Variants in SCTR observed in about 807,000 individuals in gnomAD.
The protein encoded by SCTR is pancreatic secretin receptor.
In SCTR, 56 loss-of-function variants were observed where a neutral mutation model predicts 60.8. That is an observed-to-expected ratio of 0.92 (90% CI 0.74 to 1.15). SCTR has a LOEUF of 1.15. SCTR is among the 50% of genes most tolerant of loss of function. The pLI is 0.00. For missense variants in SCTR, 562 were observed against 550.4 expected (o/e 1.02, Z -0.21); for synonymous variants, 202 against 217.0 (o/e 0.93, Z 0.61).
chr2:119,493,304 C>A (rs1021459025), intron 2 of SCTR, among the ~76,000 whole-genome samples: 1 of 152,106 alleles, frequency 6.6e-6, no homozygotes, highest in South Asian at 2.1e-4. Context: ...TTTATCCATT[C>A]GTCAGTTGAT....
intron 3 of SCTR, among the ~76,000 whole-genome samples, chr2:119,478,468 C>A (rs1036544413): frequency 2.0e-5 from 3 of 152,124 alleles, no homozygotes; most frequent in African/African-American, 7.2e-5. Context: ...GGGTTCCAGA[C>A]ATGGGGACTG....
At chr2:119,503,122 G>A (rs1364097681) in intron 1 of SCTR, among the ~76,000 whole-genome samples, 2 of 134,300 alleles carry the variant, frequency 1.5e-5, no homozygotes, top group Non-Finnish European at 3.0e-5. Context: ...TAGCGCCAGT[G>A]CACTCCAGCC....
At chr2:119,467,946 A>G (rs1683906135) in intron 4 of SCTR, among the ~76,000 whole-genome samples, 2 of 152,232 alleles carry the variant, frequency 1.3e-5, no homozygotes, top group East Asian at 3.8e-4. Context: ...TTTAAAATAA[A>G]TAAATTTTAA....
chr2:119,460,709 T>C (rs1293664589), intron 7 of SCTR, among the ~76,000 whole-genome samples: 1 of 152,156 alleles, frequency 6.6e-6, no homozygotes, highest in Non-Finnish European at 1.5e-5. Context: ...TTTGTCGTCT[T>C]CATTGACCGA....
At chr2:119,479,226 C>G (rs559254055) in intron 2 of SCTR, 5 of 1,101,694 alleles carry the variant, frequency 4.5e-6, no homozygotes, top group African/African-American at 3.3e-5. Context: ...CTGGATTTCT[C>G]TGGAGCAGAT....
chr2:119,515,939 G>C (rs547058782), intron 1 of SCTR, among the ~76,000 whole-genome samples: 1 of 152,302 alleles, frequency 6.6e-6, no homozygotes, highest in Admixed American at 6.5e-5. Context: ...AAAGTATCTA[G>C]TGCATACAAA....
chr2:119,483,172 C>T (rs1292914464), intron 2 of SCTR, among the ~76,000 whole-genome samples: 5 of 152,334 alleles, frequency 3.3e-5, no homozygotes, highest in East Asian at 1.9e-4. Context: ...ACTTGGGTCA[C>T]GTCAGGCAGG....
intron 1 of SCTR, among the ~76,000 whole-genome samples, chr2:119,510,626 TA>T (rs2104939671): frequency 6.6e-6 from 1 of 152,304 alleles, no homozygotes; most frequent in Non-Finnish European, 1.5e-5. Flanking sequence ...AAATACATTT[TA>T]GTTGTAATTC....
intron 6 of SCTR, among the ~76,000 whole-genome samples, chr2:119,462,677 T>C (rs1683662485): frequency 6.6e-6 from 1 of 152,220 alleles, no homozygotes; most frequent in South Asian, 2.1e-4. Context: ...TCTGCCATGG[T>C]AGGGCCTTTG....
chr2:119,462,738 TA>T (rs11325895), intron 6 of SCTR, among the ~76,000 whole-genome samples: 2,465 of 152,268 alleles, frequency 0.016, 24 homozygotes, highest in South Asian at 0.054. Context: ...GCTCCCGGGA[TA>T]GCCGTAGGGC....
intron 6 of SCTR, among the ~76,000 whole-genome samples, chr2:119,463,483 A>G (rs1683699624): frequency 6.6e-6 from 1 of 152,202 alleles, no homozygotes; most frequent in South Asian, 2.1e-4. Context: ...GAAACAGGGG[A>G]AAAGACTGTG....
chr2:119,522,255 C>T lies in SCTR; in HGVS notation c.72+1900G>A, dbSNP rs892402747. Among the ~76,000 whole-genome samples, 6 of 151,894 alleles carry T rather than the reference C, an allele frequency of 4.0e-5. No individual in the cohort carries two copies. The South Asian group carries it at 1.2e-3, about 32-fold the overall frequency. On this transcript the variant is annotated intron_variant, in intron 1 of 12. Coordinates refer to ENST00000019103, the MANE Select transcript of SCTR (RefSeq NM_002980.3). ...AGGTTACAGTAAGCCAAGATCGCGC[C>T]ACTGCGCTCCAGCCTGGGCAACAAG...
At chr2:119,441,415 C>T in intron 12 of SCTR, 143 bp downstream of exon 12, 2 of 672,454 alleles carry the variant, frequency 3.0e-6, no homozygotes, top group Admixed American at 2.3e-5. Flanking sequence ...AAAGAACTGG[C>T]CAAGCCACCT....
intron 9 of SCTR, among the ~76,000 whole-genome samples, 162 bp downstream of exon 9, chr2:119,451,848 G>T (rs1188031834): frequency 1.3e-5 from 2 of 152,200 alleles, no homozygotes; most frequent in Non-Finnish European, 2.9e-5. Context: ...GCAGGGGGCA[G>T]AGCTTCCACA....
intron 7 of SCTR, among the ~76,000 whole-genome samples, chr2:119,461,599 T>C (rs1373256681): frequency 1.3e-5 from 2 of 150,918 alleles, no homozygotes; most frequent in African/African-American, 4.9e-5. Flanking sequence ...TAATCCCAGC[T>C]ACTTGGGAAG....
At position 119,478,429 on chromosome 2, in the gene SCTR, G is replaced by T. The variant is rs1052473787; in HGVS notation, c.301+382C>A. ...GGAAGGAAGTATTTTGGAAGGCCAG[G>T]CCATTAGGGAGCCTGCCACTACCAG... On this transcript the variant is annotated intron_variant, in intron 3 of 12. Coordinates refer to ENST00000019103, the MANE Select transcript of SCTR (RefSeq NM_002980.3). 1.7e-4 allele frequency among the ~76,000 whole-genome samples: 26 copies of T among 152,146 alleles called. 1 individual carries two copies. Among genetic ancestry groups the T allele is most frequent in the African/African-American group, 5.6e-4 (23 of 41,420 alleles).
intron 1 of SCTR, among the ~76,000 whole-genome samples, chr2:119,500,805 T>A (rs1315369447): frequency 1.3e-5 from 2 of 152,180 alleles, no homozygotes; most frequent in Non-Finnish European, 2.9e-5. Context: ...TGACTTAGTG[T>A]TTGATAGATC....
At position 119,446,817 on chromosome 2, in the gene SCTR, G is replaced by A. The variant is rs776762769; in HGVS notation, c.1082C>T (p.Ser361Phe). ...CTGGATCTCCATAGCGTCCTCTGGG[G>A]AGAAGGCGAAGACGATGTAGTGGAT... ...FGIHYIVFAF[S>F]PEDAMEIQLF... Residue 361 changes from serine (S) to phenylalanine (F), a missense_variant, in exon 11 of 13, where the codon TCC (serine) becomes TTC (phenylalanine). Transcript: ENST00000019103. 15 of 1,584,400 alleles carry A rather than the reference G, an allele frequency of 9.5e-6. No homozygotes were observed. The Admixed American group carries it at 2.3e-4, about 24-fold the overall frequency.
chr2:119,467,130 T>A (rs13395325), intron 4 of SCTR, among the ~76,000 whole-genome samples: 10,963 of 151,958 alleles, frequency 0.072, 1,288 homozygotes, highest in African/African-American at 0.25. Context: ...CTATAATCCC[T>A]GCACTTTAGG....
Sources: allele counts gnomAD v4.1 joint callset (sites outside exome capture counted in the v4.1 genomes callset), GRCh38; gene constraint gnomAD v4.1.1; transcripts MANE v1.5; gene names NCBI Gene and HGNC (gene_info 2026-07-23, HGNC 2026-07-21).